Variants in MRPS9 observed in about 807,000 individuals in gnomAD.
MRPS9 encodes the protein small ribosomal subunit protein uS9m.
MRPS9 carries 45 observed loss-of-function variants against 59.9 expected under a neutral mutation model. The ratio of observed to expected loss-of-function variants is 0.75; its 90% CI spans 0.59 to 0.96. The LOEUF (loss-of-function observed/expected upper bound fraction) is 0.96. Among genes scored for constraint, MRPS9 ranks in the 40% least tolerant of loss-of-function variants. MRPS9 has a pLI of 0.00. For synonymous variants in MRPS9, 171 were observed against 166.8 expected (o/e 1.03, Z -0.19); for missense variants, 473 against 481.1 (o/e 0.98, Z 0.16).
chr2:105,047,204 C>G (rs1379365354), intron 1 of MRPS9, among the ~76,000 whole-genome samples: 1 of 151,804 alleles, frequency 6.6e-6, no homozygotes, highest in Non-Finnish European at 1.5e-5. Flanking sequence ...TTGTGAGAAA[C>G]GATAATGATT....
intron 9 of MRPS9, among the ~76,000 whole-genome samples, chr2:105,095,488 T>TA (rs1680640800): frequency 1.0e-5 from 1 of 98,264 alleles, no homozygotes; most frequent in Non-Finnish European, 2.5e-5. Context: ...AGTCTGTACA[T>TA]TTTTTTTTTC....
chr2:105,070,901 TC>T (rs775482504), intron 2 of MRPS9, among the ~76,000 whole-genome samples: 8 of 152,296 alleles, frequency 5.3e-5, no homozygotes, highest in Non-Finnish European at 1.2e-4. Flanking sequence ...TCTAAAAACA[TC>T]AGGGGTGTCA....
At chr2:105,092,793 T>G (rs1230343303) in intron 8 of MRPS9, among the ~76,000 whole-genome samples, 1 of 152,228 alleles carries the variant, frequency 6.6e-6, no homozygotes, top group East Asian at 1.9e-4. Flanking sequence ...ACAGTCATAT[T>G]AACACTTTTT....
chr2:105,083,585 G>A (rs1210363320), intron 5 of MRPS9, among the ~76,000 whole-genome samples: 1 of 152,174 alleles, frequency 6.6e-6, no homozygotes, highest in Non-Finnish European at 1.5e-5. Context: ...ATTATTTGAC[G>A]CTGAAGTGGT....
chr2:105,049,329 T>G lies in MRPS9; in HGVS notation c.294T>G (p.Thr98=). 6.2e-7 allele frequency: 1 copy of G among 1,611,190 alleles called. No individual in the cohort carries two copies. The highest frequency in any genetic ancestry group is 8.5e-7 in the Non-Finnish European group (1 of 1,179,288). The change falls in exon 2 of 11, where the codon ACT becomes ACG. Residue 98 remains threonine, a synonymous_variant. Transcript: ENST00000258455. The stretch of plus-strand genomic sequence containing the variant: ...ACATGATGGGAGAAGATCCAGAAAC[T>G]TTCACTCAAGAAGATATTGACGTAA... The part of the protein sequence containing the change: ...LANMMGEDPE[T]FTQEDIDRAI...
At chr2:105,067,739 AGT>A (rs113470512) in intron 2 of MRPS9, among the ~76,000 whole-genome samples, 26 of 148,408 alleles carry the variant, frequency 1.8e-4, no homozygotes, top group African/African-American at 3.0e-4. Context: ...CCTTCTCCTG[AGT>A]GTGTGTGTGT....
chr2:105,040,906 T>C (rs1168865670), intron 1 of MRPS9, among the ~76,000 whole-genome samples: 1 of 152,066 alleles, frequency 6.6e-6, no homozygotes, highest in African/African-American at 2.4e-5. Flanking sequence ...TAGCAGCAAA[T>C]AGGAGTTATA....
chr2:105,098,490 GTCA>G (rs1316619757), intron 10 of MRPS9: 1 of 152,168 alleles, frequency 6.6e-6, no homozygotes, highest in Admixed American at 6.5e-5. Context: ...TAAGCAATTT[GTCA>G]TCATATGGGA....
chr2:105,053,582 A>G (rs73945014), intron 2 of MRPS9, among the ~76,000 whole-genome samples: 31,406 of 152,058 alleles, frequency 0.21, 3,307 homozygotes, highest in Middle Eastern at 0.35. Context: ...TCCATCTAGA[A>G]TACGTTTTTA....
At chr2:105,043,825 A>G (rs1178822151) in intron 1 of MRPS9, among the ~76,000 whole-genome samples, 1 of 148,600 alleles carries the variant, frequency 6.7e-6, no homozygotes, top group East Asian at 2.0e-4. Flanking sequence ...AGTAGTGACA[A>G]GGTTTCACTT....
intron 4 of MRPS9, among the ~76,000 whole-genome samples, chr2:105,076,498 T>C (rs1412342441): frequency 6.6e-6 from 1 of 152,244 alleles, no homozygotes; most frequent in Non-Finnish European, 1.5e-5. Flanking sequence ...TACAGACACA[T>C]ACATACGTAT....
intron 2 of MRPS9, among the ~76,000 whole-genome samples, chr2:105,063,557 G>A (rs1466627535): frequency 2.0e-5 from 3 of 152,292 alleles, no homozygotes; most frequent in South Asian, 2.1e-4. Flanking sequence ...TGCTTCAACT[G>A]TATGTTTTTT....
Position 105,071,218 on chromosome 2 carries a change from A to G in MRPS9, c.316-95A>G, listed in dbSNP as rs915727848. 9 of 890,334 alleles carry G rather than the reference A, an allele frequency of 1.0e-5. No homozygotes were observed. The African/African-American group carries it at 1.2e-4, about 12-fold the overall frequency. The allele number at this position is 890,334 out of a possible 1,614,324, so 55.2% of individuals were successfully genotyped here. ...AAGTAAGATAATGCTTTGAAACTCT[A>G]GTTCAATGTCCAGCATATAGAAAGC... On this transcript the variant is annotated intron_variant, in intron 2 of 10. Coordinates refer to ENST00000258455, the MANE Select transcript of MRPS9 (RefSeq NM_182640.3).
rs1424733662 is a variant in MRPS9 at position 105,061,425 on chromosome 2, GTATGGGGTGAGCTTCC to G, written c.316-9886_316-9871del. The stretch of plus-strand genomic sequence containing the variant: ...GGGCCTTGCTGCTGCTACAGGGGTA[GTATGGGGTGAGCTTCC>G]TCATACCTGCGGCAGAGACTCCAGT... On this transcript the variant is annotated intron_variant, in intron 2 of 10. Transcript: ENST00000258455. Among the ~76,000 whole-genome samples, 3 of 152,190 alleles carry G rather than the reference GTATGGGGTGAGCTTCC, an allele frequency of 2.0e-5. No individual in the cohort carries two copies. The East Asian group carries it at 5.8e-4, about 29-fold the overall frequency.
At chr2:105,054,368 T>C (rs924246205) in intron 2 of MRPS9, among the ~76,000 whole-genome samples, 5 of 152,224 alleles carry the variant, frequency 3.3e-5, no homozygotes, top group African/African-American at 1.2e-4. Flanking sequence ...GTTGGGTACA[T>C]TGATTTATCA....
intron 2 of MRPS9, among the ~76,000 whole-genome samples, chr2:105,068,255 GT>G (rs1299361335): frequency 1.3e-5 from 2 of 152,076 alleles, no homozygotes; most frequent in Non-Finnish European, 2.9e-5. Flanking sequence ...TAAGATAATA[GT>G]TTATATTACT....
rs528306990 is a variant in MRPS9, at chr2:105,089,961, A to G, written c.617A>G (p.Glu206Gly). The G allele has an allele frequency of 5.6e-6, 9 of 1,610,742 alleles. No individual in the cohort carries two copies. In the South Asian group the frequency reaches 6.6e-5, roughly 12 times the overall value. Reference sequence around the variant, plus strand: ...AGATGGCTGATTAAGGAGGAACTAGAAGAAATGTTAGTGGAAAAACTGTCA... The same window carrying G: ...AGATGGCTGATTAAGGAGGAACTAGGAGAAATGTTAGTGGAAAAACTGTCA... ...GSRWLIKEEL[E>G]EMLVEKLSDL... Residue 206 changes from glutamate to glycine, a missense_variant, in exon 7 of 11, where the codon GAA becomes GGA. By Grantham distance (98) the Glu-to-Gly change is moderately conservative. Coordinates refer to ENST00000258455, the MANE Select transcript of MRPS9 (RefSeq NM_182640.3).
chr2:105,041,594 A>C (rs1679503771), intron 1 of MRPS9, among the ~76,000 whole-genome samples: 1 of 151,312 alleles, frequency 6.6e-6, no homozygotes, highest in African/African-American at 2.4e-5. Context: ...ACAGCATTCT[A>C]TTGATCTGCT....
intron 10 of MRPS9, chr2:105,097,544 T>C: frequency 2.5e-6 from 1 of 406,716 alleles, no homozygotes; most frequent in Non-Finnish European, 4.1e-6. Flanking sequence ...CTCCCCACAC[T>C]GATTATTTGA....
Sources: gnomAD v4.1 joint callset for allele counts (sites outside exome capture counted in the v4.1 genomes callset) on GRCh38, gnomAD v4.1.1 for gene constraint, MANE v1.5 for transcripts, NCBI Gene and HGNC (gene_info 2026-07-23, HGNC 2026-07-21) for gene names.